STK33: variants seen among roughly 807,000 people sequenced by gnomAD.
STK33 encodes serine/threonine-protein kinase 33.
Under a neutral mutation model 58.0 loss-of-function variants are expected in STK33, and 52 were observed. The ratio of observed to expected loss-of-function variants is 0.90; its 90% CI spans 0.72 to 1.13. STK33 has a LOEUF of 1.13. Among genes scored for constraint, STK33 ranks in the 50% most tolerant of loss-of-function variants. The probability of loss-of-function intolerance (pLI) is 0.00; values close to 1 mark genes in which losing one functional copy is unlikely to be tolerated. For synonymous variants in STK33, 215 were observed against 200.1 expected (o/e 1.07, Z -0.63); for missense variants, 630 against 604.2 (o/e 1.04, Z -0.45).
intron 2 of STK33, among the ~76,000 whole-genome samples, chr11:8,478,788 C>T (rs1488819229): frequency 6.6e-6 from 1 of 151,426 alleles, no homozygotes; most frequent in African/African-American, 2.4e-5. Flanking sequence ...ATTCTGCAGA[C>T]CAAGCCAAAT....
At chr11:8,350,338 G>C in the STK33 span, among the ~76,000 whole-genome samples, 2 of 152,202 alleles carry the variant, frequency 1.3e-5, no homozygotes, top group African/African-American at 4.8e-5. Context: ...ATTGAGGGGA[G>C]AGCAACATAG....
intron 2 of STK33, among the ~76,000 whole-genome samples, chr11:8,477,935 A>G (rs1039242499): frequency 6.6e-6 from 1 of 152,206 alleles, no homozygotes; most frequent in Non-Finnish European, 1.5e-5. Context: ...TTGCCAAAAT[A>G]ATGTTCTACT....
intron 8 of STK33, among the ~76,000 whole-genome samples, chr11:8,459,390 T>C (rs1053808621): frequency 2.0e-5 from 3 of 152,102 alleles, no homozygotes; most frequent in African/African-American, 7.2e-5. Context: ...GGGAAAGCAA[T>C]ACATTGGAAA....
intron 1 of STK33, chr11:8,567,346 C>T (rs1346643888): frequency 6.6e-6 from 1 of 151,986 alleles, no homozygotes; most frequent in Admixed American, 6.6e-5. Context: ...TCATGAAGAT[C>T]AAATTAGTCA....
At chr11:8,431,640 A>C (rs931682895) in intron 14 of STK33, among the ~76,000 whole-genome samples, 1 of 152,208 alleles carries the variant, frequency 6.6e-6, no homozygotes, top group African/African-American at 2.4e-5. Flanking sequence ...TGCAACAATC[A>C]ATATAGACAT....
At chr11:8,442,467 T>C (rs1424527266) in intron 11 of STK33, among the ~76,000 whole-genome samples, 1 of 152,204 alleles carries the variant, frequency 6.6e-6, no homozygotes, top group Non-Finnish European at 1.5e-5. Context: ...CGATTTGCAC[T>C]GTCATCCCAG....
intron 14 of STK33, among the ~76,000 whole-genome samples, chr11:8,414,277 C>T (rs1202776153): frequency 6.6e-6 from 1 of 152,098 alleles, no homozygotes; most frequent in African/African-American, 2.4e-5. Context: ...ATGACTATAC[C>T]ATGCCAAAAT....
chr11:8,479,581 G>A (rs775119754), intron 2 of STK33, among the ~76,000 whole-genome samples: 3 of 151,982 alleles, frequency 2.0e-5, no homozygotes, highest in Admixed American at 1.3e-4. Context: ...AGTGGTTCAC[G>A]CCTATAACCC....
At chr11:8,579,632 C>A (rs1262103620) in intron 1 of STK33, among the ~76,000 whole-genome samples, 1 of 151,756 alleles carries the variant, frequency 6.6e-6, no homozygotes, top group Non-Finnish European at 1.5e-5. Flanking sequence ...ACATGCTTTA[C>A]AAGAGAAAAA....
At chr11:8,579,852 G>A (rs11041996) in intron 1 of STK33, among the ~76,000 whole-genome samples, 8,131 of 152,048 alleles carry the variant, frequency 0.053, 365 homozygotes, top group East Asian at 0.24. Flanking sequence ...AATGGCAAAC[G>A]GGTATATAAA....
chr11:8,391,094 G>T (rs1458563015), downstream of STK33, among the ~76,000 whole-genome samples: 5 of 152,136 alleles, frequency 3.3e-5, no homozygotes, highest in African/African-American at 9.7e-5. Context: ...CTAGGGAAGG[G>T]AAGGCTCCAC....
At chr11:8,563,680 G>A (rs927137255) in intron 1 of STK33, among the ~76,000 whole-genome samples, 2 of 152,134 alleles carry the variant, frequency 1.3e-5, no homozygotes, top group Non-Finnish European at 2.9e-5. Flanking sequence ...AATACACAAA[G>A]TGAAGGAAGA....
the STK33 span, among the ~76,000 whole-genome samples, chr11:8,339,294 CA>C: frequency 2.6e-5 from 4 of 152,160 alleles, no homozygotes; most frequent in African/African-American, 9.7e-5. Flanking sequence ...TTTAATTGGA[CA>C]ATTATTCAAA....
chr11:8,392,327 C>G lies in STK33; in HGVS notation c.*183G>C. 1 of 702,912 alleles carries G rather than the reference C, an allele frequency of 1.4e-6. No individual in the cohort carries two copies. The highest frequency in any genetic ancestry group is 2.4e-6 in the Non-Finnish European group (1 of 417,714). 43.5% of individuals were successfully genotyped at this position (702,912 alleles called of 1,614,324 possible). On this transcript the variant is annotated 3_prime_UTR_variant, in exon 16 of 16. Transcript: ENST00000687296. Reference sequence around the variant, plus strand: ...GGTGGCTGTCCTTTAATGCCATGTGCAGCTTATGCTGCTTTGGAGATAAGC... The same window carrying G: ...GGTGGCTGTCCTTTAATGCCATGTGGAGCTTATGCTGCTTTGGAGATAAGC...
chr11:8,577,097 T>C (rs1958241205), intron 1 of STK33, among the ~76,000 whole-genome samples: 1 of 152,110 alleles, frequency 6.6e-6, no homozygotes, highest in Non-Finnish European at 1.5e-5. Context: ...AGCCCTGAAA[T>C]GTGTCTAGTA....
At chr11:8,529,539 T>G (rs1954342949) in intron 1 of STK33, among the ~76,000 whole-genome samples, 1 of 152,148 alleles carries the variant, frequency 6.6e-6, no homozygotes, top group Non-Finnish European at 1.5e-5. Flanking sequence ...AAGCTCACCC[T>G]CTGACCCTGG....
At chr11:8,526,955 A>G (rs575981109) in intron 1 of STK33, among the ~76,000 whole-genome samples, 1 of 148,456 alleles carries the variant, frequency 6.7e-6, no homozygotes, top group Admixed American at 6.8e-5. Flanking sequence ...TGTAAAAGTA[A>G]AGACAGAGAT....
At chr11:8,412,439 T>G (rs1170819527) in intron 15 of STK33, among the ~76,000 whole-genome samples, 2 of 152,222 alleles carry the variant, frequency 1.3e-5, no homozygotes, top group Non-Finnish European at 2.9e-5. Flanking sequence ...AAACATTTGC[T>G]ATAAAGTAAT....
At chr11:8,580,501 G>T (rs975549795) in intron 1 of STK33, among the ~76,000 whole-genome samples, 1 of 151,942 alleles carries the variant, frequency 6.6e-6, no homozygotes, top group Non-Finnish European at 1.5e-5. Context: ...GGAAGGGGGA[G>T]GGGGATGGTT....
Sources: gnomAD v4.1 joint callset for allele counts (sites outside exome capture counted in the v4.1 genomes callset) on GRCh38, gnomAD v4.1.1 for gene constraint, MANE v1.5 for transcripts, NCBI Gene and HGNC (gene_info 2026-07-23, HGNC 2026-07-21) for gene names.